AREL1: variants seen among roughly 807,000 people sequenced by gnomAD.
AREL1 encodes the protein apoptosis-resistant E3 ubiquitin protein ligase 1.
Under a neutral mutation model 99.0 loss-of-function variants are expected in AREL1, and 62 were observed. That is an observed-to-expected ratio of 0.63 (90% CI 0.51 to 0.77). The LOEUF (loss-of-function observed/expected upper bound fraction) is 0.77, where lower values mean the gene tolerates loss of function less well. Among genes scored for constraint, AREL1 ranks in the 30% least tolerant of loss-of-function variants. AREL1 has a pLI of 0.00. For missense variants in AREL1, 879 were observed against 1,027.6 expected (o/e 0.86, Z 1.98); for synonymous variants, 380 against 376.5 (o/e 1.01, Z -0.11).
At chr14:74,699,350 T>TAGGG (rs2090036968) in intron 1 of AREL1, among the ~76,000 whole-genome samples, 2 of 132,132 alleles carry the variant, frequency 1.5e-5, no homozygotes, top group Non-Finnish European at 3.2e-5. Flanking sequence ...CAGTGAGGGG[T>TAGGG]GTGTGTGTGT....
chr14:74,685,467 T>C, intron 3 of AREL1, 133 bp downstream of exon 3: 1 of 1,025,558 alleles, frequency 9.8e-7, no homozygotes. Flanking sequence ...GCCAACTCTG[T>C]GAAGGTACAT....
At chr14:74,690,065 T>C (rs546882129) in intron 2 of AREL1, among the ~76,000 whole-genome samples, 2 of 151,680 alleles carry the variant, frequency 1.3e-5, no homozygotes, top group South Asian at 2.1e-4. Flanking sequence ...CTGGGCAATA[T>C]AGTGGGACCT....
chr14:74,688,019 CTT>C (rs764034669), intron 2 of AREL1, among the ~76,000 whole-genome samples: 23 of 108,714 alleles, frequency 2.1e-4, no homozygotes, highest in Middle Eastern at 5.1e-3. Context: ...TGAGTACTTA[CTT>C]TTTTTTTTTT....
chr14:74,705,106 C>G (rs2090152595), intron 1 of AREL1, among the ~76,000 whole-genome samples: 1 of 151,460 alleles, frequency 6.6e-6, no homozygotes, highest in African/African-American at 2.4e-5. Flanking sequence ...ATGGCACCAT[C>G]TCGGCTCACC....
intron 2 of AREL1, among the ~76,000 whole-genome samples, chr14:74,689,647 G>A (rs1486972791): frequency 1.4e-5 from 2 of 143,526 alleles, no homozygotes; most frequent in Non-Finnish European, 3.0e-5. Flanking sequence ...GCCCAGGCTG[G>A]AGTGCAATGG....
intron 17 of AREL1, 49 bp from the exon 18 acceptor site, chr14:74,664,974 C>T (rs757574603): frequency 6.6e-7 from 1 of 1,518,732 alleles, no homozygotes; most frequent in East Asian, 2.3e-5. Context: ...GAGACAAAGA[C>T]CCAATATAAG....
chr14:74,683,598 T>C (rs1187843929), intron 4 of AREL1, 65 bp from the exon 5 acceptor site: 1 of 1,469,964 alleles, frequency 6.8e-7, no homozygotes, highest in Non-Finnish European at 9.5e-7. Flanking sequence ...CTGTGTAGAG[T>C]GAGTGGGGAG....
At chr14:74,691,871 TG>T (rs2089888797) in intron 2 of AREL1, 169 bp downstream of exon 2, 1 of 158,812 alleles carries the variant, frequency 6.3e-6, no homozygotes, top group African/African-American at 2.4e-5. Flanking sequence ...TTCCCAAAAA[TG>T]GAGAACTGGT....
At chr14:74,671,139 C>G (rs951740322) in intron 12 of AREL1, among the ~76,000 whole-genome samples, 1 of 151,990 alleles carries the variant, frequency 6.6e-6, no homozygotes, top group South Asian at 2.1e-4. Flanking sequence ...CTCAAGGTAA[C>G]CACGGTTCAA....
chr14:74,669,519 C>T lies in AREL1; in HGVS notation c.1914+130G>A. On this transcript the variant is annotated intron_variant, in intron 15 of 19. Transcript: ENST00000356357. Reference sequence around the variant, plus strand: ...TGAGAAGTTCACTTATTATGTCACCCACATTTTGGGTGTTTAATAGACAAC... The same window carrying T: ...TGAGAAGTTCACTTATTATGTCACCTACATTTTGGGTGTTTAATAGACAAC... 3 of 1,169,810 alleles carry T rather than the reference C, an allele frequency of 2.6e-6. No homozygotes were observed. The South Asian group carries it at 4.7e-5, about 18-fold the overall frequency. 72.5% of individuals were successfully genotyped at this position (1,169,810 alleles called of 1,614,324 possible).
At chr14:74,700,594 T>C (rs766241366) in intron 1 of AREL1, among the ~76,000 whole-genome samples, 5 of 152,108 alleles carry the variant, frequency 3.3e-5, no homozygotes, top group Non-Finnish European at 5.9e-5. Context: ...CTGGCTAACA[T>C]GGTGAAACCC....
At chr14:74,674,313 T>C (rs1420361887) in intron 8 of AREL1, among the ~76,000 whole-genome samples, 1 of 152,176 alleles carries the variant, frequency 6.6e-6, no homozygotes, top group East Asian at 1.9e-4. Flanking sequence ...AATATTACCC[T>C]GATGGCCAAG....
chr14:74,693,157 A>C (rs1460665690), intron 1 of AREL1, among the ~76,000 whole-genome samples: 1 of 152,212 alleles, frequency 6.6e-6, no homozygotes, highest in East Asian at 1.9e-4. Context: ...GGACAGCCTT[A>C]TATGCCATGG....
Position 74,673,093 on chromosome 14 carries a change from G to A in AREL1, c.1284C>T (p.Ser428=), listed in dbSNP as rs1359325029. Residue 428 remains serine (S), a synonymous_variant, in exon 10 of 20, where the codon TCC becomes TCT. Transcript: ENST00000356357. Reference sequence around the variant, plus strand: ...TAACCTCACCTATGTTCTTATGCAGGGAGCGGATAAAAGTGGCTGCTAGAA... The same window carrying A: ...TAACCTCACCTATGTTCTTATGCAGAGAGCGGATAAAAGTGGCTGCTAGAA... ...RNILAATFIR[S]LHKNIGGSET... is the part of the protein sequence containing the mutation. 1.9e-6 allele frequency: 3 copies of A among 1,614,154 alleles called. No individual in the cohort carries two copies. Among genetic ancestry groups the A allele is most frequent in the Non-Finnish European group, 2.5e-6 (3 of 1,180,016 alleles).
intron 1 of AREL1, among the ~76,000 whole-genome samples, chr14:74,708,987 CA>C (rs1207112898): frequency 6.6e-6 from 1 of 152,172 alleles, no homozygotes; most frequent in Non-Finnish European, 1.5e-5. Flanking sequence ...TACATACACA[CA>C]AACTGCAATA....
intron 5 of AREL1, among the ~76,000 whole-genome samples, chr14:74,677,061 A>C (rs1028524289): frequency 6.6e-6 from 1 of 151,952 alleles, no homozygotes; most frequent in African/African-American, 2.4e-5. Context: ...GGCCTCCCAA[A>C]GTGCTGGGAT....
chr14:74,683,412 T>G lies in AREL1; in HGVS notation c.365A>C (p.Asn122Thr), dbSNP rs1270400567. The G allele has an allele frequency of 6.2e-7, 1 of 1,614,168 alleles. No individual in the cohort carries two copies. The highest frequency in any genetic ancestry group is 1.7e-5 in the Admixed American group (1 of 60,018). The change falls in exon 5 of 20, where the codon AAT becomes ACT. Residue 122 changes from asparagine (N) to threonine (T), a missense_variant. Asn to Thr is a moderately conservative substitution (Grantham distance 65). Transcript: ENST00000356357. ...PVTQEVLQEPNSNVVKVAFTV... is the reference protein window; with the variant it reads ...PVTQEVLQEPTSNVVKVAFTV... ...GAAGGCCACTTTTACTACGTTGGAATTGGGCTCCTGAAGGACTTCCTGGGT... is the reference window on the plus strand; with the variant it reads ...GAAGGCCACTTTTACTACGTTGGAAGTGGGCTCCTGAAGGACTTCCTGGGT...
intron 5 of AREL1, chr14:74,678,041 T>A (rs935579052): frequency 2.7e-6 from 1 of 372,172 alleles, no homozygotes; most frequent in Non-Finnish European, 5.2e-6. Context: ...TATATAGGTT[T>A]AACACAATTC....
chr14:74,678,783 A>T (rs1198935748), intron 5 of AREL1, among the ~76,000 whole-genome samples: 1 of 152,164 alleles, frequency 6.6e-6, no homozygotes, highest in Non-Finnish European at 1.5e-5. Flanking sequence ...CACATTTTCA[A>T]ACTGTAAAAA....
Sources: allele counts gnomAD v4.1 joint callset (sites outside exome capture counted in the v4.1 genomes callset), GRCh38; gene constraint gnomAD v4.1.1; transcripts MANE v1.5; gene names NCBI Gene and HGNC (gene_info 2026-07-23, HGNC 2026-07-21).